The following DNAJC7 variants were observed in gnomAD, a reference collection of about 807,000 sequenced individuals.
DNAJC7 encodes DnaJ heat shock protein family (Hsp40) member C7.
DNAJC7 carries 18 observed loss-of-function variants against 67.4 expected under a neutral mutation model. The observed-to-expected ratio is 0.27, with a 90% CI of 0.18 to 0.40. The LOEUF (loss-of-function observed/expected upper bound fraction) is 0.40, where lower values mean the gene tolerates loss of function less well. DNAJC7 is among the 10% of genes least tolerant of loss of function. The pLI, the probability that DNAJC7 is intolerant of heterozygous loss-of-function variation, is 1.00. For missense variants in DNAJC7, 419 were observed against 613.8 expected (o/e 0.68, Z 3.35); for synonymous variants, 220 against 207.8 (o/e 1.06, Z -0.50).
intron 1 of DNAJC7, chr17:42,003,325 A>G (rs2051858294): frequency 6.6e-6 from 1 of 152,214 alleles, no homozygotes; most frequent in Non-Finnish European, 1.5e-5. Context: ...CCTCCCCACC[A>G]AATACACAAC....
Position 41,989,576 on chromosome 17 carries a change from G to C in DNAJC7, c.600-19C>G, listed in dbSNP as rs2051461647. The C allele has an allele frequency of 1.9e-6, 3 of 1,612,346 alleles. No homozygotes were observed. The highest frequency in any genetic ancestry group is 1.3e-5 in the African/African-American group (1 of 74,896). ...AATGTCACTGCAATAGTCAGAAAAG[G>C]GCACATTGAGCTGTGCTTTAGAATG... On this transcript the variant is annotated intron_variant, in intron 6 of 13. Transcript: ENST00000457167.
intron 1 of DNAJC7, among the ~76,000 whole-genome samples, chr17:42,005,208 C>T (rs1178765190): frequency 6.6e-6 from 1 of 152,220 alleles, no homozygotes; most frequent in Non-Finnish European, 1.5e-5. Flanking sequence ...CATTTGGTAT[C>T]ACACAGGTCT....
intron 9 of DNAJC7, 86 bp downstream of exon 9, chr17:41,987,733 C>A: frequency 8.5e-7 from 1 of 1,177,516 alleles, no homozygotes; most frequent in South Asian, 1.4e-5. Context: ...CTCACAACAT[C>A]TCTGGGTCTG....
intron 4 of DNAJC7, among the ~76,000 whole-genome samples, chr17:41,995,166 C>A (rs2051622344): frequency 6.6e-6 from 1 of 152,114 alleles, no homozygotes; most frequent in Non-Finnish European, 1.5e-5. Flanking sequence ...ATGGCATTCC[C>A]TAGAGAGAGG....
intron 1 of DNAJC7, among the ~76,000 whole-genome samples, chr17:42,009,378 C>T (rs1329850076): frequency 6.6e-6 from 1 of 152,202 alleles, no homozygotes; most frequent in Non-Finnish European, 1.5e-5. Flanking sequence ...AGCAGCACTC[C>T]CTACTGTTCA....
At chr17:41,986,340 T>TGAGCGACATAGCGAGACTCCATCCC (rs547579627) in intron 9 of DNAJC7, among the ~76,000 whole-genome samples, 33 of 152,124 alleles carry the variant, frequency 2.2e-4, no homozygotes, top group Non-Finnish European at 3.7e-4. Context: ...CACTCCAGCC[T>TGAGCGACATAGCGAGACTCCATCCC]GAGCGACATA....
chr17:41,978,740 C>T (rs914415947), intron 12 of DNAJC7, among the ~76,000 whole-genome samples: 2 of 152,142 alleles, frequency 1.3e-5, no homozygotes, highest in East Asian at 1.9e-4. Flanking sequence ...ATTAGCCGGG[C>T]GTGGTGGCAG....
intron 1 of DNAJC7, chr17:42,016,959 A>G: frequency 2.5e-6 from 3 of 1,200,728 alleles, no homozygotes; most frequent in South Asian, 1.7e-5. Flanking sequence ...ACAGGCAACA[A>G]TGCACAGAAG....
intron 1 of DNAJC7, among the ~76,000 whole-genome samples, chr17:42,009,339 AGAG>A (rs1598152574): frequency 1.3e-5 from 2 of 152,216 alleles, no homozygotes; most frequent in East Asian, 3.9e-4. Flanking sequence ...AAAATGCACC[AGAG>A]GAGTCACAGA....
intron 1 of DNAJC7, among the ~76,000 whole-genome samples, chr17:42,002,882 G>A (rs570096526): frequency 4.5e-4 from 69 of 152,170 alleles, no homozygotes; most frequent in Non-Finnish European, 7.8e-4. Context: ...AACCAAAATC[G>A]GTATTTAAAT....
In DNAJC7 at chr17:41,976,619, C is replaced by T. The variant is rs370498974; in HGVS notation, c.*114G>A. ...GACACAGGGCATCCAACTGAGAAAA[C>T]GAAACTGCTCTAAGCACACGGAGAC... On this transcript the variant is annotated 3_prime_UTR_variant, in exon 14 of 14. Coordinates refer to ENST00000457167, the MANE Select transcript of DNAJC7 (RefSeq NM_003315.4). The T allele has an allele frequency of 2.8e-5, 39 of 1,396,096 alleles. 1 individual carries two copies. Among genetic ancestry groups the T allele is most frequent in the East Asian group, 2.7e-4 (11 of 40,530 alleles). 86.5% of individuals were successfully genotyped at this position (1,396,096 alleles called of 1,614,324 possible). A position where few individuals can be genotyped will look rare whatever the true frequency, so the allele number is the denominator to read the frequency against.
intron 6 of DNAJC7, 72 bp from the exon 7 acceptor site, chr17:41,989,629 A>T (rs1400345877): frequency 6.4e-7 from 1 of 1,567,132 alleles, no homozygotes; most frequent in Non-Finnish European, 8.7e-7. Context: ...ATTTGTGGCC[A>T]GTTTTCCTCC....
In DNAJC7 at chr17:41,981,509, T is replaced by C. The variant is rs572792349; in HGVS notation, c.1384+346A>G. 2.6e-5 allele frequency: 5 copies of C among 195,892 alleles called. No individual in the cohort carries two copies. In the South Asian group the frequency reaches 5.7e-4, roughly 22 times the overall value. The allele number at this position is 195,892 out of a possible 1,614,324, so 12.1% of individuals were successfully genotyped here. ...GCGCCCAGCCTAATTTTTGTATTTTTAGTAGAGACAGGGTTTCACCATGTT... is the reference window on the plus strand; with the variant it reads ...GCGCCCAGCCTAATTTTTGTATTTTCAGTAGAGACAGGGTTTCACCATGTT... On this transcript the variant is annotated intron_variant, in intron 12 of 13. Transcript: ENST00000457167.
chr17:41,980,019 G>C (rs2051206391), intron 12 of DNAJC7, among the ~76,000 whole-genome samples: 2 of 150,966 alleles, frequency 1.3e-5, no homozygotes, highest in Admixed American at 1.3e-4. Flanking sequence ...GGAAGAGATG[G>C]TAGGTCTGTT....
intron 11 of DNAJC7, 65 bp downstream of exon 11, chr17:41,982,190 G>T: frequency 6.2e-7 from 1 of 1,602,780 alleles, no homozygotes; most frequent in East Asian, 2.2e-5. Context: ...CCTCTGGACT[G>T]AGTGTGGCAG....
In DNAJC7 at chr17:41,976,661, G is replaced by A; in HGVS notation, c.*72C>T. ...CACGGAGACGTGATGAAGGGAGGAGGTGAACTGTTTCCACATTCAAGATTA... is the reference window on the plus strand; with the variant it reads ...CACGGAGACGTGATGAAGGGAGGAGATGAACTGTTTCCACATTCAAGATTA... On this transcript the variant is annotated 3_prime_UTR_variant, in exon 14 of 14. Coordinates refer to ENST00000457167, the MANE Select transcript of DNAJC7 (RefSeq NM_003315.4). The A allele has an allele frequency of 6.3e-7, 1 of 1,576,862 alleles. No homozygotes were observed.
chr17:41,990,554 T>C (rs2051487848), intron 5 of DNAJC7, among the ~76,000 whole-genome samples, 172 bp from the exon 6 acceptor site: 1 of 152,044 alleles, frequency 6.6e-6, no homozygotes, highest in Non-Finnish European at 1.5e-5. Flanking sequence ...AGCACTGAAA[T>C]GAGGACAGCA....
chr17:41,989,691 A>T (rs2051465013), intron 6 of DNAJC7, 134 bp from the exon 7 acceptor site: 1 of 1,176,192 alleles, frequency 8.5e-7, no homozygotes, highest in Non-Finnish European at 1.2e-6. Flanking sequence ...GATTCCCAAG[A>T]ACTGTTCCCA....
intron 5 of DNAJC7, chr17:41,992,552 G>A (rs1019237817): frequency 2.6e-5 from 4 of 152,170 alleles, no homozygotes; most frequent in African/African-American, 9.7e-5. Flanking sequence ...TGCCCCCCCA[G>A]ATGGAAAAGG....
Sources: allele counts gnomAD v4.1 joint callset (sites outside exome capture counted in the v4.1 genomes callset), GRCh38; gene constraint gnomAD v4.1.1; transcripts MANE v1.5; gene names NCBI Gene and HGNC (gene_info 2026-07-23, HGNC 2026-07-21).